PAQR5: variants seen among roughly 807,000 people sequenced by gnomAD.
PAQR5 encodes the protein progestin and adipoQ receptor family member 5.
A neutral mutation model predicts 34.5 loss-of-function variants in PAQR5; 20 were observed. The ratio of observed to expected loss-of-function variants is 0.58; its 90% CI spans 0.41 to 0.84. The LOEUF (loss-of-function observed/expected upper bound fraction) is 0.84, where lower values mean the gene tolerates loss of function less well. Ranked by LOEUF, PAQR5 falls within the 40% of genes least tolerant of loss-of-function variation. The pLI is 0.00. For missense variants in PAQR5, 378 were observed against 412.7 expected (o/e 0.92, Z 0.73); for synonymous variants, 131 against 155.6 (o/e 0.84, Z 1.18).
intron 6 of PAQR5, 165 bp from the exon 7 acceptor site, chr15:69,397,303 G>A (rs780176383): frequency 2.8e-6 from 2 of 706,922 alleles, no homozygotes; most frequent in East Asian, 2.7e-5. Context: ...CATTGGGGTG[G>A]GAGGAATGGA....
Position 69,403,641 on chromosome 15 carries a change from C to A in PAQR5, c.812C>A (p.Ala271Asp), listed in dbSNP as rs1383548041. 1 of 1,613,998 alleles carries A rather than the reference C, an allele frequency of 6.2e-7. No individual in the cohort carries two copies. Among genetic ancestry groups the A allele is most frequent in the Non-Finnish European group, 8.5e-7 (1 of 1,179,916 alleles). Residue 271 changes from alanine to aspartate, a missense_variant, in exon 9 of 9, where the codon GCC becomes GAC. Ala to Asp is a moderately radical substitution (Grantham distance 126, BLOSUM62 -2). Coordinates refer to ENST00000395407, the MANE Select transcript of PAQR5 (RefSeq NM_017705.4). ...VILATHMQME[A>D]ILLDKTLRKE... is the part of the protein sequence containing the mutation. ...CTGGCCACGCACATGCAGATGGAAG[C>A]CATACTTCTGGACAAGACTCTGAGG...
At chr15:69,361,430 A>T (rs908502620) in intron 3 of PAQR5, among the ~76,000 whole-genome samples, 7 of 152,184 alleles carry the variant, frequency 4.6e-5, no homozygotes, top group Middle Eastern at 3.2e-3. Context: ...GTTTCAGAGA[A>T]GGGATTGGTC....
intron 2 of PAQR5, among the ~76,000 whole-genome samples, chr15:69,357,126 C>T (rs903228411): frequency 9.9e-5 from 15 of 151,994 alleles, no homozygotes; most frequent in African/African-American, 3.6e-4. Flanking sequence ...CTTCGCCTTC[C>T]GCTATGATTG....
intron 1 of PAQR5, among the ~76,000 whole-genome samples, chr15:69,300,489 C>T (rs1398043863): frequency 6.6e-6 from 1 of 152,126 alleles, no homozygotes; most frequent in Admixed American, 6.5e-5. Context: ...ACTGAGATCC[C>T]TTGGCACCCT....
intron 7 of PAQR5, chr15:69,397,891 G>A (rs147396448): frequency 0.012 from 4,292 of 350,608 alleles, 35 homozygotes; most frequent in Admixed American, 0.019. Context: ...GGCACTTGAG[G>A]AGTGGTTAGG....
chr15:69,396,149 G>A (rs745967278), intron 6 of PAQR5, among the ~76,000 whole-genome samples: 2 of 151,122 alleles, frequency 1.3e-5, no homozygotes, highest in Non-Finnish European at 2.9e-5. Context: ...GGAAGTCCCT[G>A]CATACTCCAT....
rs142717730 is a variant in PAQR5, at chr15:69,382,373, G to A, written c.180-2304G>A. ...TGAAATATTTGACAGGCGGCCGGGC[G>A]CAGTGGCTTATGCCTATAATCCCAG... On this transcript the variant is annotated intron_variant, in intron 4 of 8. Coordinates refer to ENST00000395407, the MANE Select transcript of PAQR5 (RefSeq NM_017705.4). Among the ~76,000 whole-genome samples, 352 of 152,160 alleles carry A rather than the reference G, an allele frequency of 2.3e-3. 2 individuals are homozygous for A. Among genetic ancestry groups the A allele is most frequent in the Admixed American group, 0.017 (264 of 15,286 alleles).
intron 6 of PAQR5, among the ~76,000 whole-genome samples, chr15:69,394,658 TC>T (rs2056365110): frequency 6.6e-6 from 1 of 152,196 alleles, no homozygotes; most frequent in Non-Finnish European, 1.5e-5. Flanking sequence ...AGACCTCACT[TC>T]CTCTATAGCA....
chr15:69,399,990 G>A lies in PAQR5; in HGVS notation c.626G>A (p.Gly209Glu), dbSNP rs907639459. ...PIFYRLFLFP[G>E]ESAQNEATSY... ...CACCTGCAGCTATTCCTGTTCCCAG[G>A]GGAGAGTGCACAAAATGAAGCCACC... The change falls in exon 8 of 9, where the codon GGG becomes GAG. Residue 209 changes from glycine (G) to glutamate (E), a missense_variant. Transcript: ENST00000395407. 4 of 1,613,916 alleles carry A rather than the reference G, an allele frequency of 2.5e-6. No homozygotes were observed. The Admixed American group carries it at 5.0e-5, about 20-fold the overall frequency.
chr15:69,348,397 A>C (rs1436095082), intron 2 of PAQR5, among the ~76,000 whole-genome samples: 1 of 152,194 alleles, frequency 6.6e-6, no homozygotes, highest in Admixed American at 6.5e-5. Context: ...GAAACGGTGA[A>C]GCAGTCTTTG....
intron 2 of PAQR5, among the ~76,000 whole-genome samples, chr15:69,351,586 C>T (rs2054919775): frequency 1.3e-5 from 2 of 152,346 alleles, no homozygotes; most frequent in East Asian, 1.9e-4. Flanking sequence ...ATAAACTCTC[C>T]AGCCCTTTGT....
chr15:69,383,153 C>T (rs1036487120), intron 4 of PAQR5, among the ~76,000 whole-genome samples: 1 of 152,152 alleles, frequency 6.6e-6, no homozygotes, highest in East Asian at 1.9e-4. Context: ...AAAGTGAGAA[C>T]ACGAAGGAAT....
intron 1 of PAQR5, among the ~76,000 whole-genome samples, chr15:69,321,016 C>A (rs932041005): frequency 1.3e-5 from 2 of 152,132 alleles, no homozygotes; most frequent in African/African-American, 4.8e-5. Flanking sequence ...TTATAAGGAG[C>A]CACAATTTTT....
chr15:69,344,430 A>G (rs2054717521), intron 2 of PAQR5, among the ~76,000 whole-genome samples: 1 of 152,214 alleles, frequency 6.6e-6, no homozygotes, highest in African/African-American at 2.4e-5. Context: ...CCTGGTGTTG[A>G]TTAAAAATAA....
intron 3 of PAQR5, among the ~76,000 whole-genome samples, chr15:69,374,639 T>C (rs1242383615): frequency 6.6e-6 from 1 of 152,196 alleles, no homozygotes; most frequent in Non-Finnish European, 1.5e-5. Flanking sequence ...ATCGCGCCAC[T>C]GCACTCCAGC....
chr15:69,358,228 G>T (rs2055130903), intron 2 of PAQR5, among the ~76,000 whole-genome samples: 1 of 152,256 alleles, frequency 6.6e-6, no homozygotes, highest in East Asian at 1.9e-4. Context: ...TCTCTGTGGT[G>T]CACATTACTC....
At chr15:69,306,710 C>A (rs2053725790) in intron 1 of PAQR5, among the ~76,000 whole-genome samples, 1 of 152,106 alleles carries the variant, frequency 6.6e-6, no homozygotes, top group Non-Finnish European at 1.5e-5. Context: ...GCCCATTTAA[C>A]CATTTTTTAA....
chr15:69,300,610 T>TC (rs1491098168), intron 1 of PAQR5, among the ~76,000 whole-genome samples: 3 of 50,714 alleles, frequency 5.9e-5, no homozygotes, highest in African/African-American at 1.2e-4. Context: ...TCTTTCTTTC[T>TC]TTCTTTCTTT....
intron 6 of PAQR5, among the ~76,000 whole-genome samples, chr15:69,395,661 G>A (rs1470854619): frequency 6.6e-6 from 1 of 152,134 alleles, no homozygotes; most frequent in Non-Finnish European, 1.5e-5. Context: ...GTGACCTGCC[G>A]AGGTCACGTG....
Sources: allele counts gnomAD v4.1 joint callset (sites outside exome capture counted in the v4.1 genomes callset), GRCh38; gene constraint gnomAD v4.1.1; transcripts MANE v1.5; gene names NCBI Gene and HGNC (gene_info 2026-07-23, HGNC 2026-07-21).